Variants in RBBP4 observed in about 807,000 individuals in gnomAD.
RBBP4 encodes the protein RB binding protein 4, chromatin remodeling factor.
A neutral mutation model predicts 57.2 loss-of-function variants in RBBP4; 3 were observed. The ratio of observed to expected loss-of-function variants is 0.05; its 90% CI spans 0.02 to 0.14. The LOEUF is 0.14. RBBP4 is among the 10% of genes least tolerant of loss of function. The pLI, the probability that RBBP4 is intolerant of heterozygous loss-of-function variation, is 1.00. For missense variants in RBBP4, 107 were observed against 520.6 expected (o/e 0.21, Z 7.73); for synonymous variants, 151 against 171.5 (o/e 0.88, Z 0.93).
chr1:32,668,122 G>C, intron 3 of RBBP4, 103 bp from the exon 4 acceptor site: 1 of 1,114,148 alleles, frequency 9.0e-7, no homozygotes, highest in East Asian at 2.6e-5. Context: ...TATTATGCCA[G>C]TTTGTTGCTA....
At position 32,685,617 on chromosome 1, in the gene RBBP4, T is replaced by G. The variant is rs1394303329; in HGVS notation, c.*5912T>G. 6.6e-6 allele frequency: 1 copy of G among 152,018 alleles called. No homozygotes were observed. Among genetic ancestry groups the G allele is most frequent in the African/African-American group, 2.4e-5 (1 of 41,450 alleles). 9.4% of individuals were successfully genotyped at this position (152,018 alleles called of 1,614,324 possible). A position where few individuals can be genotyped will look rare whatever the true frequency, so the allele number is the denominator to read the frequency against. On this transcript the variant is annotated 3_prime_UTR_variant, in exon 12 of 12. Transcript: ENST00000373493. ...GCTGAATCTCAGCTTTCACCAACATTGTCAAAGGACCTTTTTTAGTGCCCA... is the reference window on the plus strand; with the variant it reads ...GCTGAATCTCAGCTTTCACCAACATGGTCAAAGGACCTTTTTTAGTGCCCA...
chr1:32,681,671 G>T lies in RBBP4; in HGVS notation c.*1966G>T, dbSNP rs772801481. The stretch of plus-strand genomic sequence containing the variant: ...CAAAGAGTTGACATGTTCTGCCTCC[G>T]GCCAACTCTAGAATCTTTTTAAGCA... On this transcript the variant is annotated 3_prime_UTR_variant, in exon 12 of 12. Coordinates refer to ENST00000373493, the MANE Select transcript of RBBP4 (RefSeq NM_005610.3). The T allele has an allele frequency of 1.1e-6, 1 of 880,256 alleles. No individual in the cohort carries two copies. The highest frequency in any genetic ancestry group is 1.8e-6 in the Non-Finnish European group (1 of 555,852). The allele number at this position is 880,256 out of a possible 1,614,324, so 54.5% of individuals were successfully genotyped here.
rs1473942979 is a variant in RBBP4, at chr1:32,685,792, CAG to C, written c.*6090_*6091del. ...CTGCACCACCAGTGATAAGCTGTGA[CAG>C]AGTGGAACAGCCTCAATGAAATGAA... On this transcript the variant is annotated 3_prime_UTR_variant, in exon 12 of 12. Transcript: ENST00000373493. 1 of 152,232 alleles carries C rather than the reference CAG, an allele frequency of 6.6e-6. No individual in the cohort carries two copies. Among genetic ancestry groups the C allele is most frequent in the Non-Finnish European group, 1.5e-5 (1 of 68,066 alleles). 9.4% of individuals were successfully genotyped at this position (152,232 alleles called of 1,614,324 possible).
chr1:32,665,835 C>G (rs1648620871), intron 3 of RBBP4, among the ~76,000 whole-genome samples: 1 of 152,142 alleles, frequency 6.6e-6, no homozygotes, highest in African/African-American at 2.4e-5. Context: ...AAGTAAGTGA[C>G]AGAGCCACTT....
chr1:32,665,247 A>G (rs1648594409), intron 3 of RBBP4, among the ~76,000 whole-genome samples: 1 of 152,016 alleles, frequency 6.6e-6, no homozygotes, highest in Non-Finnish European at 1.5e-5. Flanking sequence ...ATCTATCTTG[A>G]ATTTTTATTT....
At position 32,674,018 on chromosome 1, in the gene RBBP4, G is replaced by A. The variant is rs186112636; in HGVS notation, c.1212+1117G>A. ...CAGGAGGCTGAGGCAGGAAAATGGC[G>A]TGAACACGGGAGGCGGAGCTTGCAT... On this transcript the variant is annotated intron_variant, in intron 11 of 11. Transcript: ENST00000373493. 2.0e-3 allele frequency among the ~76,000 whole-genome samples: 309 copies of A among 152,228 alleles called. 3 individuals carry two copies. The highest frequency in any genetic ancestry group is 7.1e-3 in the African/African-American group (295 of 41,556).
rs1322565729 is a variant in RBBP4 at position 32,669,634 on chromosome 1, T to TA, written c.966+73dup. The TA allele has an allele frequency of 6.5e-7, 1 of 1,529,436 alleles. No homozygotes were observed. Among genetic ancestry groups the TA allele is most frequent in the Admixed American group, 2.2e-5 (1 of 45,962 alleles). 94.7% of individuals were successfully genotyped at this position (1,529,436 alleles called of 1,614,324 possible). On this transcript the variant is annotated intron_variant, in intron 8 of 11. Transcript: ENST00000373493. The surrounding 1 kb of genome is among the most constrained non-coding windows in gnomAD (Gnocchi z 4.9). The stretch of plus-strand genomic sequence containing the variant: ...TGCTGGGCGCGGTCGCTCACGCCTG[T>TA]AATCCCAGCACTTTGGGAGGCTGAA...
In RBBP4 at chr1:32,669,365, T is replaced by A; in HGVS notation, c.888+8T>A. ...ACAGGATCAGCTGACAAGGTCAGTTTCGTTTATTTTAATAGAAAACATAAT... is the reference window on the plus strand; with the variant it reads ...ACAGGATCAGCTGACAAGGTCAGTTACGTTTATTTTAATAGAAAACATAAT... On this transcript the variant is annotated splice_region_variant and intron_variant, in intron 7 of 11. Coordinates refer to ENST00000373493, the MANE Select transcript of RBBP4 (RefSeq NM_005610.3). The surrounding 1 kb of genome is among the most constrained non-coding windows in gnomAD (Gnocchi z 4.9). 2 of 1,591,032 alleles carry A rather than the reference T, an allele frequency of 1.3e-6. No homozygotes were observed. The highest frequency in any genetic ancestry group is 1.7e-6 in the Non-Finnish European group (2 of 1,174,382).
intron 2 of RBBP4, among the ~76,000 whole-genome samples, chr1:32,655,232 C>T (rs181176335): frequency 3.9e-5 from 6 of 152,238 alleles, no homozygotes; most frequent in African/African-American, 1.2e-4. Flanking sequence ...CCACTTTGAC[C>T]TCCCAAAGTG....
At chr1:32,662,899 GCTTGAAC>G in intron 3 of RBBP4, among the ~76,000 whole-genome samples, 1 of 152,004 alleles carries the variant, frequency 6.6e-6, no homozygotes, top group South Asian at 2.1e-4. Flanking sequence ...CAGTAGAATC[GCTTGAAC>G]CCAGGAGGCG....
At chr1:32,676,342 C>T (rs748701742) in intron 11 of RBBP4, among the ~76,000 whole-genome samples, 2 of 151,922 alleles carry the variant, frequency 1.3e-5, no homozygotes, top group Admixed American at 6.6e-5. Context: ...TGGTGGCTCA[C>T]GCCTGTAATT....
chr1:32,674,338 A>C (rs1182802874), intron 11 of RBBP4, among the ~76,000 whole-genome samples: 1 of 152,062 alleles, frequency 6.6e-6, no homozygotes. Flanking sequence ...GGCTCAAGAC[A>C]TCCTCCTACC....
chr1:32,671,694 C>CT (rs71006356), intron 8 of RBBP4, among the ~76,000 whole-genome samples: 127,024 of 147,660 alleles, frequency 0.86, 55,838 homozygotes, highest in Non-Finnish European at 0.96. Flanking sequence ...GGCCTCATCT[C>CT]TTTTTTTTTT....
Position 32,682,050 on chromosome 1 carries a change from C to G in RBBP4, c.*2345C>G, listed in dbSNP as rs1477384803. 3.5e-6 allele frequency: 2 copies of G among 575,682 alleles called. No homozygotes were observed. The highest frequency in any genetic ancestry group is 5.8e-5 in the East Asian group (2 of 34,590). 35.7% of individuals were successfully genotyped at this position (575,682 alleles called of 1,614,324 possible). On this transcript the variant is annotated 3_prime_UTR_variant, in exon 12 of 12. Coordinates refer to ENST00000373493, the MANE Select transcript of RBBP4 (RefSeq NM_005610.3). ...GATGGTGATGGGAGGGATAGTTAAA[C>G]GTTTTCTCTGCTAGGTTAACTTCTT...
intron 11 of RBBP4, 44 bp downstream of exon 11, chr1:32,672,945 A>G: frequency 7.1e-7 from 1 of 1,409,970 alleles, no homozygotes; most frequent in Non-Finnish European, 1.0e-6. Flanking sequence ...AATAAGTGAG[A>G]CATAGAATCA....
Position 32,684,540 on chromosome 1 carries a change from G to T in RBBP4, c.*4835G>T. The T allele has an allele frequency of 9.2e-7, 1 of 1,090,906 alleles. No individual in the cohort carries two copies. Among genetic ancestry groups the T allele is most frequent in the Non-Finnish European group, 1.3e-6 (1 of 784,556 alleles). The allele number at this position is 1,090,906 out of a possible 1,614,324, so 67.6% of individuals were successfully genotyped here. A position where few individuals can be genotyped will look rare whatever the true frequency, so the allele number is the denominator to read the frequency against. ...TAGGTTATGAAACAGGTTCAAAGAA[G>T]TTGTGTCTTGGAAAAAAAGTGACAA... is the stretch of plus-strand genomic sequence containing the variant. On this transcript the variant is annotated 3_prime_UTR_variant, in exon 12 of 12. Coordinates refer to ENST00000373493, the MANE Select transcript of RBBP4 (RefSeq NM_005610.3).
chr1:32,684,347 CT>C lies in RBBP4; in HGVS notation c.*4643del. 6.2e-7 allele frequency: 1 copy of C among 1,614,206 alleles called. No homozygotes were observed. Among genetic ancestry groups the C allele is most frequent in the Non-Finnish European group, 8.5e-7 (1 of 1,180,042 alleles). ...GCTGGAGTTGCACCCCATTTCTTAA[CT>C]GCCTCTGGCGTTCTTCCATTTCCTC... On this transcript the variant is annotated 3_prime_UTR_variant, in exon 12 of 12. Coordinates refer to ENST00000373493, the MANE Select transcript of RBBP4 (RefSeq NM_005610.3).
intron 2 of RBBP4, 165 bp downstream of exon 2, chr1:32,652,226 T>C (rs914345429): frequency 7.7e-6 from 6 of 783,934 alleles, no homozygotes; most frequent in Non-Finnish European, 9.9e-6. Flanking sequence ...CAAAATGATT[T>C]TGTAACTTAC....
intron 2 of RBBP4, among the ~76,000 whole-genome samples, chr1:32,653,316 G>A (rs977587066): frequency 2.6e-5 from 4 of 152,132 alleles, no homozygotes; most frequent in African/African-American, 9.7e-5. Context: ...AGACCATTGT[G>A]CCATTTGGAA....
Sources: gnomAD v4.1 joint callset for allele counts (sites outside exome capture counted in the v4.1 genomes callset) on GRCh38, gnomAD v4.1.1 for gene constraint, Gnocchi (gnomAD v3.1) non-coding constraint, MANE v1.5 for transcripts, NCBI Gene and HGNC (gene_info 2026-07-23, HGNC 2026-07-21) for gene names.